The following NCEH1 variants were observed in gnomAD, a reference collection of about 807,000 sequenced individuals.
NCEH1 encodes the protein 2-acetyl MAGE hydrolase.
In NCEH1, 9 loss-of-function variants were observed where a neutral mutation model predicts 25.4. The observed-to-expected ratio is 0.35, with a 90% confidence interval of 0.21 to 0.62. The LOEUF is 0.62. NCEH1 is among the 20% of genes least tolerant of loss of function. NCEH1 has a pLI of 0.72. For missense variants in NCEH1, 412 were observed against 501.1 expected, an observed-to-expected ratio of 0.82 and a Z score of 1.70; for synonymous variants, 200 against 199.8, an observed-to-expected ratio of 1.00 and a Z score of -0.01.
At chr3:172,654,498 T>G (rs1314092762) in intron 1 of NCEH1, among the ~76,000 whole-genome samples, 4 of 152,242 alleles carry the variant, frequency 2.6e-5, no homozygotes, top group African/African-American at 9.6e-5. Flanking sequence ...CTATCGTTTT[T>G]CCTATTATGC....
chr3:172,689,746 T>A (rs1712922817), intron 1 of NCEH1, among the ~76,000 whole-genome samples: 1 of 150,984 alleles, frequency 6.6e-6, no homozygotes, highest in African/African-American at 2.4e-5. Context: ...AAAGCCCCTG[T>A]ATTTCCCTTC....
chr3:172,637,624 T>C (rs2108488989), intron 3 of NCEH1, among the ~76,000 whole-genome samples: 1 of 151,134 alleles, frequency 6.6e-6, no homozygotes, highest in South Asian at 2.1e-4. Context: ...TGCGGTGGCT[T>C]AGGTCTGTAA....
rs1046313285 is a variant in NCEH1 at position 172,666,250 on chromosome 3, G to A, written c.139-18136C>T. On this transcript the variant is annotated intron_variant, in intron 1 of 4. Coordinates refer to ENST00000475381, the MANE Select transcript of NCEH1 (RefSeq NM_020792.6). ...TTCTTCCTGTCCCGGTGTGTGCCAC[G>A]TGTCATGGCTGCCTCCGGATAACAC... 3.5e-4 allele frequency among the ~76,000 whole-genome samples: 54 copies of A among 152,152 alleles called. 1 individual carries two copies. The highest frequency in any genetic ancestry group is 3.5e-3 in the Admixed American group (53 of 15,268).
At chr3:172,663,936 T>C (rs190909580) in intron 1 of NCEH1, among the ~76,000 whole-genome samples, 3 of 152,366 alleles carry the variant, frequency 2.0e-5, no homozygotes, top group East Asian at 3.9e-4. Context: ...TGTCTTTTAA[T>C]TGGGGCATTT....
intron 1 of NCEH1, among the ~76,000 whole-genome samples, chr3:172,666,311 A>T (rs1170626804): frequency 6.6e-6 from 1 of 152,174 alleles, no homozygotes; most frequent in East Asian, 1.9e-4. Flanking sequence ...CTGCATTTGC[A>T]TATTAAAGGG....
intron 3 of NCEH1, among the ~76,000 whole-genome samples, chr3:172,640,845 A>G (rs1716816974): frequency 6.6e-6 from 1 of 152,134 alleles, no homozygotes; most frequent in South Asian, 2.1e-4. Context: ...TCTGTCACCC[A>G]GGCTTGAGTG....
intron 1 of NCEH1, among the ~76,000 whole-genome samples, chr3:172,664,522 G>A (rs1299932439): frequency 6.6e-6 from 1 of 152,160 alleles, no homozygotes; most frequent in Admixed American, 6.5e-5. Flanking sequence ...GCTAGGTTGG[G>A]GAAGTTCTCC....
At chr3:172,668,348 ATTTTTTTTT>A (rs1200625132) in intron 1 of NCEH1, among the ~76,000 whole-genome samples, 7 of 78,976 alleles carry the variant, frequency 8.9e-5, no homozygotes, top group Admixed American at 2.0e-4. Context: ...AAAAGGAAGC[ATTTTTTTTT>A]TTTTTTTTTT....
chr3:172,658,445 C>T (rs1256867533), intron 1 of NCEH1, among the ~76,000 whole-genome samples: 1 of 152,178 alleles, frequency 6.6e-6, no homozygotes, highest in Admixed American at 6.5e-5. Flanking sequence ...CACATGAGGG[C>T]ATGCATGGAC....
chr3:172,636,257 T>C (rs547964835), intron 3 of NCEH1, 170 bp from the exon 4 acceptor site: 14 of 457,786 alleles, frequency 3.1e-5, no homozygotes, highest in African/African-American at 2.7e-4. Context: ...AACCATTTTC[T>C]TGCAAATCAA....
chr3:172,645,782 C>T, intron 2 of NCEH1, 90 bp from the exon 3 acceptor site: 2 of 711,932 alleles, frequency 2.8e-6, no homozygotes, highest in Non-Finnish European at 4.6e-6. Context: ...TGTTTTTAGG[C>T]TTGGAGCTAA....
intron 1 of NCEH1, among the ~76,000 whole-genome samples, chr3:172,660,386 T>C (rs1417373795): frequency 1.3e-5 from 2 of 152,162 alleles, no homozygotes. Context: ...TGATGGACAT[T>C]TGGGTTGGTT....
intron 3 of NCEH1, among the ~76,000 whole-genome samples, chr3:172,641,309 T>C (rs1211800771): frequency 6.6e-6 from 1 of 152,220 alleles, no homozygotes; most frequent in Non-Finnish European, 1.5e-5. Flanking sequence ...TTGTAGAAGC[T>C]ACTGAGTAGG....
At chr3:172,684,942 T>C (rs911604636) in intron 1 of NCEH1, among the ~76,000 whole-genome samples, 2 of 150,782 alleles carry the variant, frequency 1.3e-5, no homozygotes, top group African/African-American at 4.9e-5. Context: ...ACTGTGCCAC[T>C]GCACTCCAGC....
intron 1 of NCEH1, among the ~76,000 whole-genome samples, chr3:172,678,399 A>C (rs1448028975): frequency 1.3e-5 from 2 of 152,172 alleles, no homozygotes; most frequent in African/African-American, 2.4e-5. Context: ...GTTGGGACAG[A>C]ATCTGGGAAA....
chr3:172,676,189 A>G (rs1334335509), intron 1 of NCEH1, among the ~76,000 whole-genome samples: 1 of 152,174 alleles, frequency 6.6e-6, no homozygotes, highest in Non-Finnish European at 1.5e-5. Context: ...GCAGAGAGAG[A>G]GGCTAAAAGG....
In NCEH1 at chr3:172,648,599, T is replaced by C. The variant is rs749955314; in HGVS notation, c.139-485A>G. On this transcript the variant is annotated intron_variant, in intron 1 of 4. Coordinates refer to ENST00000475381, the MANE Select transcript of NCEH1 (RefSeq NM_020792.6). ...TTTGGGTGTGTCTTATTGCTTAATT[T>C]CTTTAAATTGCTTTGTAACTTCAAT... Among the ~76,000 whole-genome samples, 5 of 152,230 alleles carry C rather than the reference T, an allele frequency of 3.3e-5. No individual in the cohort carries two copies. The South Asian group carries it at 6.2e-4, about 19-fold the overall frequency.
At chr3:172,693,530 C>T (rs543055) in intron 1 of NCEH1, among the ~76,000 whole-genome samples, 1 of 151,518 alleles carries the variant, frequency 6.6e-6, no homozygotes, top group African/African-American at 2.4e-5. Context: ...ACTCATAATA[C>T]CCAAATGAAA....
chr3:172,702,356 G>C (rs543516857), intron 1 of NCEH1, among the ~76,000 whole-genome samples: 1 of 152,204 alleles, frequency 6.6e-6, no homozygotes, highest in Non-Finnish European at 1.5e-5. Flanking sequence ...TCTCAGATTA[G>C]ATACGTTTCC....
Sources: gnomAD v4.1 joint callset for allele counts (sites outside exome capture counted in the v4.1 genomes callset) on GRCh38, gnomAD v4.1.1 for gene constraint, MANE v1.5 for transcripts, NCBI Gene and HGNC (gene_info 2026-07-23, HGNC 2026-07-21) for gene names.